SHISA9: variants seen among roughly 807,000 people sequenced by gnomAD.
SHISA9 encodes the protein shisa family member 9.
A neutral mutation model predicts 38.0 loss-of-function variants in SHISA9; 13 were observed. The observed-to-expected ratio is 0.34, with a 90% CI of 0.22 to 0.54. SHISA9 has a LOEUF of 0.54. SHISA9 is among the 20% of genes least tolerant of loss of function. SHISA9 has a pLI of 0.91. For missense variants in SHISA9, 538 were observed against 575.8 expected (o/e 0.93, Z 0.67); for synonymous variants, 275 against 242.0 (o/e 1.14, Z -1.27).
chr16:12,966,825 A>T (rs2071985388), intron 2 of SHISA9, among the ~76,000 whole-genome samples: 1 of 152,208 alleles, frequency 6.6e-6, no homozygotes, highest in African/African-American at 2.4e-5. Flanking sequence ...GCCTTTGAAC[A>T]TGGGAAAGAC....
At chr16:13,498,138 A>C in the SHISA9 span, among the ~76,000 whole-genome samples, 2 of 152,184 alleles carry the variant, frequency 1.3e-5, no homozygotes, top group East Asian at 3.9e-4. Flanking sequence ...ATTAACATTC[A>C]GCAGAAAAAA....
intron 2 of SHISA9, among the ~76,000 whole-genome samples, chr16:12,981,364 T>C (rs1479376203): frequency 6.6e-6 from 1 of 152,248 alleles, no homozygotes; most frequent in African/African-American, 2.4e-5. Context: ...CCCAGGGCAA[T>C]GGCAGGGGAG....
At position 13,224,491 on chromosome 16, in the gene SHISA9, A is replaced by G. The variant is rs1025394550; in HGVS notation, c.896-10539A>G. Reference sequence around the variant, plus strand: ...ATATCCTGCCCATTTCTCATATTTCAGGGACTGTCATTGGAACTGGAATAT... The same window carrying G: ...ATATCCTGCCCATTTCTCATATTTCGGGGACTGTCATTGGAACTGGAATAT... On this transcript the variant is annotated intron_variant, in intron 4 of 4. Transcript: ENST00000558583. Among the ~76,000 whole-genome samples the G allele has an allele frequency of 1.3e-5, 2 of 152,298 alleles. 1 individual carries two copies.
intron 2 of SHISA9, among the ~76,000 whole-genome samples, chr16:12,994,292 G>A (rs2072429000): frequency 6.6e-6 from 1 of 152,186 alleles, no homozygotes; most frequent in African/African-American, 2.4e-5. Flanking sequence ...GAAGTGAATG[G>A]ACCTGGAATA....
At chr16:13,395,851 G>C in the SHISA9 span, among the ~76,000 whole-genome samples, 2 of 152,226 alleles carry the variant, frequency 1.3e-5, no homozygotes, top group Non-Finnish European at 2.9e-5. Context: ...TCTGTGCAGA[G>C]TGGGTATCAC....
At chr16:13,031,769 T>C (rs1307814736) in intron 2 of SHISA9, among the ~76,000 whole-genome samples, 1 of 152,242 alleles carries the variant, frequency 6.6e-6, no homozygotes, top group Non-Finnish European at 1.5e-5. Flanking sequence ...AACATGAATT[T>C]GCACAAGTGA....
chr16:13,158,118 C>T (rs1263821825), intron 2 of SHISA9, among the ~76,000 whole-genome samples: 1 of 152,140 alleles, frequency 6.6e-6, no homozygotes, highest in South Asian at 2.1e-4. Flanking sequence ...AGAACAGTTC[C>T]CTGTCCTCTC....
the SHISA9 span, among the ~76,000 whole-genome samples, chr16:13,302,700 G>C: frequency 6.6e-6 from 1 of 152,162 alleles, no homozygotes; most frequent in African/African-American, 2.4e-5. Context: ...CCTCCAGGTA[G>C]TCTTCATTCA....
At chr16:13,263,551 C>T in the SHISA9 span, among the ~76,000 whole-genome samples, 98,789 of 152,052 alleles carry the variant, frequency 0.65, 32,359 homozygotes, top group African/African-American at 0.72. Flanking sequence ...CTTGAGACCT[C>T]CCCAGAAGCT....
chr16:12,903,482 G>A (rs927994732), intron 1 of SHISA9, among the ~76,000 whole-genome samples: 2 of 151,650 alleles, frequency 1.3e-5, no homozygotes, highest in Non-Finnish European at 2.9e-5. Flanking sequence ...AAGGCTTTGG[G>A]GGATTAATGG....
At chr16:13,199,978 G>A (rs1213301801) in intron 2 of SHISA9, among the ~76,000 whole-genome samples, 1 of 152,250 alleles carries the variant, frequency 6.6e-6, no homozygotes, top group African/African-American at 2.4e-5. Flanking sequence ...AGTTGCCAGT[G>A]CTAACGAATT....
intron 2 of SHISA9, among the ~76,000 whole-genome samples, chr16:13,196,989 G>A (rs779029088): frequency 7.2e-5 from 11 of 152,094 alleles, no homozygotes; most frequent in Non-Finnish European, 1.3e-4. Flanking sequence ...GCTACTCGGA[G>A]GCTGAGATGG....
intron 2 of SHISA9, among the ~76,000 whole-genome samples, chr16:13,046,788 C>G (rs2073193192): frequency 6.6e-6 from 1 of 152,154 alleles, no homozygotes; most frequent in Non-Finnish European, 1.5e-5. Flanking sequence ...TCTCATTCAC[C>G]TCCAAGTCTT....
the SHISA9 span, among the ~76,000 whole-genome samples, chr16:13,501,765 G>A: frequency 6.6e-6 from 1 of 152,162 alleles, no homozygotes; most frequent in Non-Finnish European, 1.5e-5. Flanking sequence ...CACTTTGGGA[G>A]GCGAGGAGGG....
intron 2 of SHISA9, among the ~76,000 whole-genome samples, chr16:13,147,124 T>C (rs1487083071): frequency 2.0e-5 from 3 of 152,220 alleles, no homozygotes; most frequent in Non-Finnish European, 4.4e-5. Flanking sequence ...ATATTGTTTT[T>C]GGCTGAGATA....
chr16:13,049,190 G>GTGTGTGTT (rs1555457585), intron 2 of SHISA9, among the ~76,000 whole-genome samples: 22 of 139,300 alleles, frequency 1.6e-4, no homozygotes, highest in African/African-American at 7.3e-4. Flanking sequence ...GTGTGTGTGT[G>GTGTGTGTT]TGTGTGTGTG....
intron 2 of SHISA9, among the ~76,000 whole-genome samples, chr16:13,167,520 C>T (rs1007221163): frequency 6.6e-6 from 1 of 152,146 alleles, no homozygotes; most frequent in African/African-American, 2.4e-5. Flanking sequence ...ATCTCATGTT[C>T]CATTATAATC....
the SHISA9 span, among the ~76,000 whole-genome samples, chr16:13,414,578 T>G: frequency 6.6e-6 from 1 of 151,926 alleles, no homozygotes; most frequent in African/African-American, 2.4e-5. Context: ...AGCGGACATG[T>G]AGGGGCTCAA....
chr16:13,538,468 C>T, the SHISA9 span, among the ~76,000 whole-genome samples: 3 of 152,152 alleles, frequency 2.0e-5, no homozygotes, highest in Admixed American at 1.3e-4. Context: ...TCATAAAATA[C>T]ATACAGCAAA....
Sources: gnomAD v4.1 joint callset for allele counts (sites outside exome capture counted in the v4.1 genomes callset) on GRCh38, gnomAD v4.1.1 for gene constraint, MANE v1.5 for transcripts, NCBI Gene and HGNC (gene_info 2026-07-23, HGNC 2026-07-21) for gene names.